RCC2: variants seen among roughly 807,000 people sequenced by gnomAD.
The protein encoded by RCC2 is regulator of chromosome condensation 2.
In RCC2, 19 loss-of-function variants were observed where a neutral mutation model predicts 64.1. The observed-to-expected ratio is 0.30, with a 90% confidence interval of 0.21 to 0.44. RCC2 has a LOEUF of 0.44. RCC2 is among the 20% of genes least tolerant of loss of function. The pLI is 1.00. For missense variants in RCC2, 508 were observed against 710.4 expected, an observed-to-expected ratio of 0.72 and a Z score of 3.24; for synonymous variants, 325 against 279.6, an observed-to-expected ratio of 1.16 and a Z score of -1.62.
rs184348603 is a variant in RCC2 at position 17,409,054 on chromosome 1, G to C, written c.*36C>G. On this transcript the variant is annotated 3_prime_UTR_variant, in exon 13 of 13. Transcript: ENST00000375436. ...AGTGCACATGGAAATGACAGCTGCCGCGAGAGGTGTGGAGTCGGAGGAGTC... is the reference window on the plus strand; with the variant it reads ...AGTGCACATGGAAATGACAGCTGCCCCGAGAGGTGTGGAGTCGGAGGAGTC... The C allele has an allele frequency of 1.4e-6, 2 of 1,423,040 alleles. No homozygotes were observed. Among genetic ancestry groups the C allele is most frequent in the Non-Finnish European group, 2.0e-6 (2 of 1,005,780 alleles). The allele number at this position is 1,423,040 out of a possible 1,614,324, so 88.2% of individuals were successfully genotyped here. A position where few individuals can be genotyped will look rare whatever the true frequency, so the allele number is the denominator to read the frequency against.
intron 9 of RCC2, 44 bp from the exon 10 acceptor site, chr1:17,413,222 G>C: frequency 7.4e-7 from 1 of 1,348,530 alleles, no homozygotes; most frequent in South Asian, 1.2e-5. Flanking sequence ...CAGACATCGA[G>C]AGCTGAGTCT....
At chr1:17,420,590 A>T (rs566230950) in intron 7 of RCC2, 124 bp downstream of exon 7, 2 of 558,456 alleles carry the variant, frequency 3.6e-6, no homozygotes, top group Non-Finnish European at 6.2e-6. Context: ...CACTTAACGG[A>T]CAAAGGCTAT....
Position 17,438,519 on chromosome 1 carries a change from G to A in RCC2, c.-5C>T. 2 of 1,336,146 alleles carry A rather than the reference G, an allele frequency of 1.5e-6. No homozygotes were observed. The highest frequency in any genetic ancestry group is 1.9e-6 in the Non-Finnish European group (2 of 1,045,134). The allele number at this position is 1,336,146 out of a possible 1,614,324, so 82.8% of individuals were successfully genotyped here. A position where few individuals can be genotyped will look rare whatever the true frequency, so the allele number is the denominator to read the frequency against. On this transcript the variant is annotated 5_prime_UTR_variant, in exon 2 of 13. Coordinates refer to ENST00000375436, the MANE Select transcript of RCC2 (RefSeq NM_018715.4). ...CGCCGCCTTCTTCCTGGGCATGGTC[G>A]CGGCTGGAGGGAGACACGGGGCAGC...
chr1:17,424,808 A>C (rs1371924222), intron 4 of RCC2, among the ~76,000 whole-genome samples: 1 of 152,138 alleles, frequency 6.6e-6, no homozygotes. Flanking sequence ...GGATAAAATG[A>C]GCCTTAGCCC....
intron 9 of RCC2, 93 bp downstream of exon 9, chr1:17,413,443 TA>T: frequency 1.6e-6 from 2 of 1,279,820 alleles, no homozygotes; most frequent in Non-Finnish European, 2.2e-6. Flanking sequence ...CACTGGGAGG[TA>T]AAGAGAATTG....
At chr1:17,436,791 T>C (rs2075739748) in intron 2 of RCC2, among the ~76,000 whole-genome samples, 1 of 152,246 alleles carries the variant, frequency 6.6e-6, no homozygotes, top group Admixed American at 6.5e-5. Context: ...ACGCGGAAGC[T>C]CACCTGGCCT....
rs1296641487 is a variant in RCC2, at chr1:17,406,960, GCCAAGCACATT to G, written c.*2119_*2129del. On this transcript the variant is annotated 3_prime_UTR_variant, in exon 13 of 13. Transcript: ENST00000375436. ...CCAGTCAGATGCCCGCAGGGTCAGC[GCCAAGCACATT>G]CCCAACCGGGCAACTGTGTACCTTT... 6.6e-6 allele frequency: 1 copy of G among 152,176 alleles called. No individual in the cohort carries two copies. Among genetic ancestry groups the G allele is most frequent in the African/African-American group, 2.4e-5 (1 of 41,434 alleles). The allele number at this position is 152,176 out of a possible 1,614,324, so 9.4% of individuals were successfully genotyped here.
rs985010858 is a variant in RCC2 at position 17,406,773 on chromosome 1, GTTGTTGT to G, written c.*2310_*2316del. ...TGCAAAATCCAAGACAGTAGACAAT[GTTGTTGT>G]TTATTTAAAATGTTTACTCCAAGAA... On this transcript the variant is annotated 3_prime_UTR_variant, in exon 13 of 13. Transcript: ENST00000375436. The G allele has an allele frequency of 2.6e-4, 5 of 19,134 alleles. No individual in the cohort carries two copies. Among genetic ancestry groups the G allele is most frequent in the Non-Finnish European group, 5.6e-4 (5 of 8,896 alleles). The allele number at this position is 19,134 out of a possible 1,614,324, so 1.2% of individuals were successfully genotyped here.
At chr1:17,434,435 G>A (rs528185059) in intron 2 of RCC2, among the ~76,000 whole-genome samples, 2 of 152,360 alleles carry the variant, frequency 1.3e-5, no homozygotes, top group South Asian at 4.1e-4. Context: ...GTGGTCTGCA[G>A]AGGGCACGGA....
chr1:17,426,707 A>AC (rs1407127290), intron 3 of RCC2, among the ~76,000 whole-genome samples: 2 of 139,520 alleles, frequency 1.4e-5, no homozygotes, highest in South Asian at 2.3e-4. Flanking sequence ...TTCCTCACAA[A>AC]CCCCCCTTCA....
chr1:17,411,671 T>C (rs1204897), intron 11 of RCC2, among the ~76,000 whole-genome samples: 131,474 of 152,098 alleles, frequency 0.86, 57,166 homozygotes, highest in African/African-American at 0.97. Flanking sequence ...AAATTGAGGG[T>C]CATGAGTTCT....
chr1:17,436,633 G>A (rs1429690533), intron 2 of RCC2, among the ~76,000 whole-genome samples: 2 of 152,202 alleles, frequency 1.3e-5, no homozygotes, highest in African/African-American at 4.8e-5. Flanking sequence ...ACCTCCTTGG[G>A]TCAATCTCAG....
chr1:17,418,755 C>T (rs1345851633), intron 7 of RCC2, among the ~76,000 whole-genome samples: 2 of 152,174 alleles, frequency 1.3e-5, no homozygotes, highest in East Asian at 1.9e-4. Context: ...AATGCATTTC[C>T]GGATATGTCG....
intron 7 of RCC2, among the ~76,000 whole-genome samples, chr1:17,417,512 A>T (rs896447331): frequency 6.6e-6 from 1 of 152,148 alleles, no homozygotes; most frequent in African/African-American, 2.4e-5. Flanking sequence ...TACTTTAAAA[A>T]ACAAAAACAA....
chr1:17,408,028 C>G lies in RCC2; in HGVS notation c.*1062G>C, dbSNP rs956373008. 1 of 152,286 alleles carries G rather than the reference C, an allele frequency of 6.6e-6. No homozygotes were observed. The highest frequency in any genetic ancestry group is 2.4e-5 in the African/African-American group (1 of 41,458). The allele number at this position is 152,286 out of a possible 1,614,324, so 9.4% of individuals were successfully genotyped here. ...GTGCTGACACGCAAGGAAGGGGACT[C>G]TTCGGTAATCCCAACTATTTGGTAC... On this transcript the variant is annotated 3_prime_UTR_variant, in exon 13 of 13. Coordinates refer to ENST00000375436, the MANE Select transcript of RCC2 (RefSeq NM_018715.4).
rs570456225 is a variant in RCC2, at chr1:17,413,838, A to C, written c.1027-121T>G. The C allele has an allele frequency of 1.4e-4, 123 of 906,190 alleles. No homozygotes were observed. In the African/African-American group the frequency reaches 1.9e-3, roughly 14 times the overall value. The allele number at this position is 906,190 out of a possible 1,614,324, so 56.1% of individuals were successfully genotyped here. Reference sequence around the variant, plus strand: ...TAAGGGCAAAGGAACAGCAACATTCAAGATCCCCTACCAGCCGGGCACGGT... The same window carrying C: ...TAAGGGCAAAGGAACAGCAACATTCCAGATCCCCTACCAGCCGGGCACGGT... On this transcript the variant is annotated intron_variant, in intron 8 of 12. Coordinates refer to ENST00000375436, the MANE Select transcript of RCC2 (RefSeq NM_018715.4).
chr1:17,438,188 C>T (rs752345402), intron 2 of RCC2, 42 bp downstream of exon 2: 54 of 1,161,538 alleles, frequency 4.6e-5, no homozygotes, highest in Non-Finnish European at 5.6e-5. Context: ...AGCCCGCCGG[C>T]CCCGGCCCTG....
chr1:17,412,212 G>A lies in RCC2; in HGVS notation c.1314-18C>T. ...TGCTCTTCCTGCAAACAGGCAGGCTGTCACTGCAGGGCCAGCAGCCCCAGA... is the reference window on the plus strand; with the variant it reads ...TGCTCTTCCTGCAAACAGGCAGGCTATCACTGCAGGGCCAGCAGCCCCAGA... On this transcript the variant is annotated intron_variant, in intron 10 of 12. Transcript: ENST00000375436. 6.2e-7 allele frequency: 1 copy of A among 1,613,688 alleles called. No homozygotes were observed. Among genetic ancestry groups the A allele is most frequent in the Non-Finnish European group, 8.5e-7 (1 of 1,179,734 alleles).
chr1:17,415,140 G>T (rs1178131355), intron 8 of RCC2, among the ~76,000 whole-genome samples: 1 of 152,218 alleles, frequency 6.6e-6, no homozygotes. Flanking sequence ...CCCTAAACAA[G>T]AGCCAACTTT....
Sources: allele counts gnomAD v4.1 joint callset (sites outside exome capture counted in the v4.1 genomes callset), GRCh38; gene constraint gnomAD v4.1.1; transcripts MANE v1.5; gene names NCBI Gene and HGNC (gene_info 2026-07-23, HGNC 2026-07-21).